Variants in ADAMTSL1 observed in about 807,000 individuals in gnomAD.
The protein encoded by ADAMTSL1 is ADAMTS like 1, also known as ADAMTS-like protein 1.
In ADAMTSL1, 126 loss-of-function variants were observed where a neutral mutation model predicts 201.8. The ratio of observed to expected loss-of-function variants is 0.62; its 90% CI spans 0.54 to 0.72. The LOEUF (loss-of-function observed/expected upper bound fraction) is 0.72. ADAMTSL1 is among the 30% of genes least tolerant of loss of function. ADAMTSL1 has a pLI of 0.00. For missense variants in ADAMTSL1, 2,679 were observed against 2,277.8 expected (o/e 1.18, Z -3.59); for synonymous variants, 1,121 against 903.4 (o/e 1.24, Z -4.32).
chr9:18,591,465 C>T (rs1247263677), intron 4 of ADAMTSL1, among the ~76,000 whole-genome samples: 1 of 152,060 alleles, frequency 6.6e-6, no homozygotes, highest in Admixed American at 6.6e-5. Flanking sequence ...TTATTTATTC[C>T]ATTCAGCCAC....
At chr9:18,055,672 C>T (rs184017003) in intron 1 of ADAMTSL1, among the ~76,000 whole-genome samples, 1 of 152,346 alleles carries the variant, frequency 6.6e-6, no homozygotes, top group South Asian at 2.1e-4. Flanking sequence ...ATCGCAGGGG[C>T]GCTGTGTCTT....
intron 2 of ADAMTSL1, among the ~76,000 whole-genome samples, chr9:18,329,860 T>G (rs562470077): frequency 6.6e-6 from 1 of 152,206 alleles, no homozygotes; most frequent in Non-Finnish European, 1.5e-5. Context: ...CACCAGGCAG[T>G]GCATATGCAG....
At chr9:18,612,907 C>T (rs1310988720) in intron 4 of ADAMTSL1, among the ~76,000 whole-genome samples, 1 of 152,132 alleles carries the variant, frequency 6.6e-6, no homozygotes, top group South Asian at 2.1e-4. Context: ...GCGAAAGAAA[C>T]TATCATCAGA....
intron 1 of ADAMTSL1, among the ~76,000 whole-genome samples, chr9:18,047,234 A>G (rs1821700562): frequency 6.6e-6 from 1 of 152,204 alleles, no homozygotes; most frequent in African/African-American, 2.4e-5. Context: ...AATGAAAATG[A>G]TTATTAATTA....
chr9:18,701,834 AC>A (rs1831941417), intron 13 of ADAMTSL1, among the ~76,000 whole-genome samples: 2 of 152,212 alleles, frequency 1.3e-5, no homozygotes, highest in Admixed American at 1.3e-4. Flanking sequence ...TTTAAAACAA[AC>A]ATATATGAGA....
At chr9:18,456,262 TA>T (rs1235151625) in intron 2 of ADAMTSL1, among the ~76,000 whole-genome samples, 12 of 152,198 alleles carry the variant, frequency 7.9e-5, no homozygotes, top group African/African-American at 2.9e-4. Flanking sequence ...AAGGTCTACG[TA>T]AGTGTGCATA....
intron 1 of ADAMTSL1, among the ~76,000 whole-genome samples, chr9:17,974,038 T>A (rs1818331889): frequency 6.6e-6 from 1 of 152,060 alleles, no homozygotes; most frequent in South Asian, 2.1e-4. Context: ...TTCGACAAAA[T>A]TCAACAACCC....
At chr9:18,903,131 G>A (rs1830104090) in intron 26 of ADAMTSL1, among the ~76,000 whole-genome samples, 2 of 152,142 alleles carry the variant, frequency 1.3e-5, no homozygotes, top group Non-Finnish European at 2.9e-5. Context: ...CTTGAACCCA[G>A]GAGGTGGAAG....
intron 2 of ADAMTSL1, among the ~76,000 whole-genome samples, chr9:18,308,121 A>C (rs796230960): frequency 2.6e-5 from 4 of 152,254 alleles, no homozygotes; most frequent in African/African-American, 9.6e-5. Context: ...TGAAGGCAGA[A>C]ATACATAAGT....
intron 1 of ADAMTSL1, among the ~76,000 whole-genome samples, chr9:18,020,530 G>A (rs1290488748): frequency 6.6e-6 from 1 of 152,074 alleles, no homozygotes; most frequent in Non-Finnish European, 1.5e-5. Flanking sequence ...AGCCTTCACA[G>A]TGTGTGCAAA....
rs1824621361 is a variant in ADAMTSL1, at chr9:18,827,107, T to A, written c.4114+644T>A. On this transcript the variant is annotated intron_variant, in intron 22 of 28. Transcript: ENST00000380548. Reference sequence around the variant, plus strand: ...CTATAACCGTTTTTGCCCCCTGGACTAGGGACACCCTGCTGTTCTTCCCCC... The same window carrying A: ...CTATAACCGTTTTTGCCCCCTGGACAAGGGACACCCTGCTGTTCTTCCCCC... Among the ~76,000 whole-genome samples the A allele has an allele frequency of 2.0e-5, 3 of 150,908 alleles. No individual in the cohort carries two copies. The South Asian group carries it at 6.3e-4, about 32-fold the overall frequency.
intron 1 of ADAMTSL1, among the ~76,000 whole-genome samples, chr9:18,064,937 A>G (rs1224534088): frequency 6.9e-6 from 1 of 144,484 alleles, no homozygotes; most frequent in African/African-American, 2.5e-5. Flanking sequence ...TGATTCAGAA[A>G]GCAGTATTTG....
At chr9:18,748,857 A>G (rs1355470369) in intron 15 of ADAMTSL1, among the ~76,000 whole-genome samples, 5 of 152,208 alleles carry the variant, frequency 3.3e-5, no homozygotes, top group Non-Finnish European at 7.4e-5. Context: ...ACAGTCATAG[A>G]AGCCAAAATC....
chr9:18,634,875 T>A (rs28660058), intron 5 of ADAMTSL1, among the ~76,000 whole-genome samples: 2 of 123,940 alleles, frequency 1.6e-5, no homozygotes, highest in African/African-American at 6.1e-5. Flanking sequence ...ATATATATAT[T>A]TATATATATA....
rs1307182270 is a variant in ADAMTSL1 at position 17,954,075 on chromosome 9, C to T, written c.87+47153C>T. Among the ~76,000 whole-genome samples the T allele has an allele frequency of 5.3e-5, 8 of 152,142 alleles. No individual in the cohort carries two copies. In the South Asian group the frequency reaches 6.2e-4, roughly 12 times the overall value. On this transcript the variant is annotated intron_variant, in intron 1 of 29. Coordinates refer to the ADAMTSL1 transcript ENST00000680146. ...AAGGTCTGGGGCTGGCTGAGGCAAT[C>T]TCTGTCTCTTTGCCTCTGTTTTTCT... is the stretch of plus-strand genomic sequence containing the variant.
intron 15 of ADAMTSL1, among the ~76,000 whole-genome samples, chr9:18,752,279 T>G (rs1819512975): frequency 6.6e-6 from 1 of 152,126 alleles, no homozygotes; most frequent in Non-Finnish European, 1.5e-5. Context: ...AGGAAAAGAT[T>G]GAGTGCATAC....
rs540728511 is a variant in ADAMTSL1 at position 17,922,247 on chromosome 9, G to A, written c.87+15325G>A. ...TTTTGGGGGCAGTGGGGTGAGTAGCGCACGTGCTACATATTTCTTTTCAGT... is the reference window on the plus strand; with the variant it reads ...TTTTGGGGGCAGTGGGGTGAGTAGCACACGTGCTACATATTTCTTTTCAGT... On this transcript the variant is annotated intron_variant, in intron 1 of 29. Transcript: ENST00000680146. 8.5e-5 allele frequency among the ~76,000 whole-genome samples: 13 copies of A among 152,124 alleles called. No homozygotes were observed. In the East Asian group the frequency reaches 1.7e-3, roughly 20 times the overall value.
At chr9:18,596,965 T>C (rs1824303259) in intron 4 of ADAMTSL1, among the ~76,000 whole-genome samples, 1 of 152,214 alleles carries the variant, frequency 6.6e-6, no homozygotes, top group Non-Finnish European at 1.5e-5. Context: ...TCTTAGCACC[T>C]GTTTCCTTCT....
intron 2 of ADAMTSL1, among the ~76,000 whole-genome samples, chr9:18,447,659 C>A (rs1337553264): frequency 6.6e-6 from 1 of 152,216 alleles, no homozygotes; most frequent in African/African-American, 2.4e-5. Context: ...GCAGGACATA[C>A]ACTGCTAAAG....
Sources: allele counts gnomAD v4.1 joint callset (sites outside exome capture counted in the v4.1 genomes callset), GRCh38; gene constraint gnomAD v4.1.1; transcripts MANE v1.5; gene names NCBI Gene and HGNC (gene_info 2026-07-23, HGNC 2026-07-21).